The following PLEKHG1 variants were observed in gnomAD, a reference collection of about 807,000 sequenced individuals.
PLEKHG1 encodes pleckstrin homology and RhoGEF domain containing G1.
A neutral mutation model predicts 100.8 loss-of-function variants in PLEKHG1; 44 were observed. The ratio of observed to expected loss-of-function variants is 0.44; its 90% CI spans 0.34 to 0.56. The LOEUF is 0.56. Among genes scored for constraint, PLEKHG1 ranks in the 20% least tolerant of loss-of-function variants. PLEKHG1 has a pLI of 0.01. For missense variants in PLEKHG1, 1,545 were observed against 1,720.9 expected (o/e 0.90, Z 1.81); for synonymous variants, 640 against 662.5 (o/e 0.97, Z 0.52).
intron 10 of PLEKHG1, among the ~76,000 whole-genome samples, chr6:150,817,927 C>T (rs537181275): frequency 3.9e-5 from 6 of 152,184 alleles, no homozygotes; most frequent in Admixed American, 2.6e-4. Context: ...CGGAACCAGC[C>T]TCCCTCCCTC....
intron 4 of PLEKHG1, among the ~76,000 whole-genome samples, chr6:150,791,746 A>G (rs781669072): frequency 1.3e-5 from 2 of 152,144 alleles, no homozygotes; most frequent in Non-Finnish European, 2.9e-5. Context: ...AGCCATGTAA[A>G]TATTTTACAT....
chr6:150,762,176 TC>T (rs1390248517), intron 2 of PLEKHG1, among the ~76,000 whole-genome samples: 1 of 151,610 alleles, frequency 6.6e-6, no homozygotes, highest in Non-Finnish European at 1.5e-5. Flanking sequence ...TCCCCCTTTG[TC>T]TTCCCCTTTC....
chr6:150,835,660 G>A (rs926316130), intron 15 of PLEKHG1, among the ~76,000 whole-genome samples: 5 of 152,192 alleles, frequency 3.3e-5, no homozygotes, highest in African/African-American at 1.2e-4. Flanking sequence ...TAGGCCAGAG[G>A]TGTCATCTCA....
In PLEKHG1 at chr6:150,623,790, G is replaced by A. The variant is rs551463039; in HGVS notation, c.-203-14290G>A. 4.6e-5 allele frequency among the ~76,000 whole-genome samples: 7 copies of A among 152,306 alleles called. No homozygotes were observed. In the South Asian group the frequency reaches 1.4e-3, roughly 32 times the overall value. On this transcript the variant is annotated intron_variant, in intron 1 of 3. Transcript: ENST00000367326. ...CTCTCTGAGCATCCGAGGCTGCAGC[G>A]ACCTGTTTACCGTGCTGCCCTGTGG... is the stretch of plus-strand genomic sequence containing the variant.
chr6:150,702,284 G>A (rs2128599648), intron 3 of PLEKHG1, among the ~76,000 whole-genome samples: 1 of 152,160 alleles, frequency 6.6e-6, no homozygotes, highest in Non-Finnish European at 1.5e-5. Flanking sequence ...AGCCTGCCCA[G>A]CATGGTGAAA....
chr6:150,748,106 T>C (rs1783265200), intron 2 of PLEKHG1, among the ~76,000 whole-genome samples: 1 of 152,222 alleles, frequency 6.6e-6, no homozygotes, highest in Non-Finnish European at 1.5e-5. Context: ...CTTTGACTAA[T>C]TGAGGTATCC....
chr6:150,674,632 CCTCTCTCTCTCTCTCTCTCTCTCTCT>C (rs756355880), intron 3 of PLEKHG1, among the ~76,000 whole-genome samples: 2 of 66,340 alleles, frequency 3.0e-5, no homozygotes, highest in East Asian at 4.3e-4. Flanking sequence ...CTCTCTCCTC[CCTCTCTCTCTCTCTCTCTCTCTCTCT>C]CTCTCTCTCT....
At chr6:150,817,731 T>C (rs1181683325) in intron 10 of PLEKHG1, among the ~76,000 whole-genome samples, 1 of 152,138 alleles carries the variant, frequency 6.6e-6, no homozygotes, top group East Asian at 1.9e-4. Flanking sequence ...CTAATCTTTG[T>C]ATTTTTAGTA....
intron 2 of PLEKHG1, among the ~76,000 whole-genome samples, chr6:150,766,158 T>G (rs1162185858): frequency 8.5e-5 from 13 of 152,244 alleles, no homozygotes; most frequent in Admixed American, 8.5e-4. Flanking sequence ...CTTTTTTGTG[T>G]GTACTCTCTG....
chr6:150,803,826 C>T (rs1048587465), intron 6 of PLEKHG1, among the ~76,000 whole-genome samples: 2 of 151,974 alleles, frequency 1.3e-5, no homozygotes, highest in African/African-American at 4.8e-5. Flanking sequence ...AAACATTTTG[C>T]TTCCTAAATA....
chr6:150,748,777 C>T (rs1234245434), intron 2 of PLEKHG1, among the ~76,000 whole-genome samples: 1 of 151,608 alleles, frequency 6.6e-6, no homozygotes, highest in African/African-American at 2.4e-5. Flanking sequence ...GCACCCCCAC[C>T]ATGCCCGGCT....
intron 2 of PLEKHG1, among the ~76,000 whole-genome samples, chr6:150,639,343 A>G (rs1341881594): frequency 6.6e-6 from 1 of 152,238 alleles, no homozygotes; most frequent in Non-Finnish European, 1.5e-5. Flanking sequence ...ATTGACAATG[A>G]ACATATTCAT....
chr6:150,741,231 A>G (rs1782839227), intron 2 of PLEKHG1, among the ~76,000 whole-genome samples: 1 of 152,120 alleles, frequency 6.6e-6, no homozygotes, highest in African/African-American at 2.4e-5. Context: ...GCATTCGGTG[A>G]GAGCAAAATG....
intron 2 of PLEKHG1, among the ~76,000 whole-genome samples, chr6:150,640,354 G>A (rs1033640969): frequency 6.6e-6 from 1 of 152,160 alleles, no homozygotes; most frequent in Non-Finnish European, 1.5e-5. Context: ...GAAATCACTT[G>A]AGAACACACA....
chr6:150,683,761 A>C lies in PLEKHG1; in HGVS notation c.-99+32975A>C, dbSNP rs1471387486. ...CCAGGGCATAGGACGTCTGAAGGAAAGATGGAGCCATTCTTGGTGGGGCGG... is the reference window on the plus strand; with the variant it reads ...CCAGGGCATAGGACGTCTGAAGGAACGATGGAGCCATTCTTGGTGGGGCGG... On this transcript the variant is annotated intron_variant, in intron 3 of 3. Transcript: ENST00000367326. This position sits in a 1 kb window ranked among gnomAD's most constrained non-coding sequence, Gnocchi z 4.0. 1 of 1,285,670 alleles carries C rather than the reference A, an allele frequency of 7.8e-7. No homozygotes were observed. The highest frequency in any genetic ancestry group is 1.0e-6 in the Non-Finnish European group (1 of 987,354). The allele number at this position is 1,285,670 out of a possible 1,614,324, so 79.6% of individuals were successfully genotyped here. A position where few individuals can be genotyped will look rare whatever the true frequency, so the allele number is the denominator to read the frequency against.
At chr6:150,832,013 G>A (rs1437247817) in exon 15 of PLEKHG1, 4 of 1,613,948 alleles carry the variant, frequency 2.5e-6, no homozygotes, top group East Asian at 2.2e-5. Context: ...GGGGATGGAG[G>A]CCACAGATAA....
chr6:150,714,178 C>A (rs1203501034), intron 3 of PLEKHG1, among the ~76,000 whole-genome samples: 4 of 152,228 alleles, frequency 2.6e-5, no homozygotes, highest in Non-Finnish European at 5.9e-5. Flanking sequence ...CTGAGCACAG[C>A]CAGTCCTCCG....
intron 2 of PLEKHG1, among the ~76,000 whole-genome samples, chr6:150,743,676 C>A (rs1368695400): frequency 6.6e-6 from 1 of 152,094 alleles, no homozygotes; most frequent in African/African-American, 2.4e-5. Flanking sequence ...TCCTACTGTT[C>A]CTCTCTCCCT....
chr6:150,757,994 G>A (rs1032698827), intron 2 of PLEKHG1, among the ~76,000 whole-genome samples: 4 of 152,026 alleles, frequency 2.6e-5, no homozygotes, highest in South Asian at 4.1e-4. Flanking sequence ...AACAGCTTCC[G>A]GCTCCATCCA....
Sources: gnomAD v4.1 joint callset for allele counts (sites outside exome capture counted in the v4.1 genomes callset) on GRCh38, gnomAD v4.1.1 for gene constraint, Gnocchi (gnomAD v3.1) non-coding constraint, MANE v1.5 for transcripts, NCBI Gene and HGNC (gene_info 2026-07-23, HGNC 2026-07-21) for gene names.